Variants in DUOX2 observed in about 807,000 individuals in gnomAD.
DUOX2 encodes the protein NADH/NADPH thyroid oxidase p138-tox.
Under a neutral mutation model 183.3 loss-of-function variants are expected in DUOX2, and 185 were observed. The ratio of observed to expected loss-of-function variants is 1.01; its 90% CI spans 0.90 to 1.14. DUOX2 has a LOEUF of 1.14. Ranked by LOEUF, DUOX2 falls within the 50% of genes most tolerant of loss-of-function variation. The pLI is 0.00. For missense variants in DUOX2, 1,999 were observed against 2,022.9 expected, an observed-to-expected ratio of 0.99 and a Z score of 0.23; for synonymous variants, 788 against 812.4, an observed-to-expected ratio of 0.97 and a Z score of 0.51.
In DUOX2 at chr15:45,104,167, G is replaced by T; in HGVS notation, c.2533C>A (p.Leu845Met). 6.2e-7 allele frequency: 1 copy of T among 1,614,176 alleles called. No homozygotes were observed. The change falls in exon 19 of 34, where the codon CTG becomes ATG. Residue 845 changes from leucine (L) to methionine (M), a missense_variant. Leu to Met is a conservative substitution (Grantham distance 15). Around this residue, in one of 3 missense-constraint regions of DUOX2, gnomAD observed 1,628 missense variants for 1,608.6 expected, o/e 1.01. Transcript: ENST00000389039. The stretch of plus-strand genomic sequence containing the variant: ...TTCATGAAGACCACCAGGATGTCCA[G>T]GAACTCTCGGAAGGACAGGTAGCCA... ...GNGYLSFREFLDILVVFMKGS... is the reference protein window; with the variant it reads ...GNGYLSFREFMDILVVFMKGS...
rs558251387 is a variant in DUOX2 at position 45,097,013 on chromosome 15, C to T, written c.3847+225G>A. ...CACGTTCAGCCACCTCTTCTCAGGTCACTTCTCACCATCTGCAAGTCTCCT... is the reference window on the plus strand; with the variant it reads ...CACGTTCAGCCACCTCTTCTCAGGTTACTTCTCACCATCTGCAAGTCTCCT... On this transcript the variant is annotated intron_variant, in intron 29 of 33. Coordinates refer to ENST00000389039, the MANE Select transcript of DUOX2 (RefSeq NM_001363711.2). Among the ~76,000 whole-genome samples, 3 of 152,340 alleles carry T rather than the reference C, an allele frequency of 2.0e-5. No individual in the cohort carries two copies. The South Asian group carries it at 6.2e-4, about 32-fold the overall frequency.
Position 45,094,552 on chromosome 15 carries a change from G to T in DUOX2, c.4524+11C>A. 1.9e-6 allele frequency: 3 copies of T among 1,611,452 alleles called. No individual in the cohort carries two copies. The highest frequency in any genetic ancestry group is 2.5e-6 in the Non-Finnish European group (3 of 1,178,868). Reference sequence around the variant, plus strand: ...GGCCAGAGTCCCAGGGTGGGAGGGAGTGGGACTGACCTGTGGGTGGACCTC... The same window carrying T: ...GGCCAGAGTCCCAGGGTGGGAGGGATTGGGACTGACCTGTGGGTGGACCTC... On this transcript the variant is annotated intron_variant, in intron 33 of 33. Coordinates refer to ENST00000389039, the MANE Select transcript of DUOX2 (RefSeq NM_001363711.2).
In DUOX2 at chr15:45,108,237, G is replaced by A. The variant is rs772382316; in HGVS notation, c.1399-15C>T. ...GCCTCCAGCACCTGGGGCACCACAGGAGATAAGGGGTGAGCGTATGTTTGC... is the reference window on the plus strand; with the variant it reads ...GCCTCCAGCACCTGGGGCACCACAGAAGATAAGGGGTGAGCGTATGTTTGC... On this transcript the variant is annotated splice_polypyrimidine_tract_variant and intron_variant, in intron 12 of 33. Transcript: ENST00000389039. 3.1e-6 allele frequency: 5 copies of A among 1,613,892 alleles called. No individual in the cohort carries two copies. The South Asian group carries it at 5.5e-5, about 18-fold the overall frequency.
rs749129941 is a variant in DUOX2, at chr15:45,105,780, G to A, written c.2197C>T (p.Leu733=). The change falls in exon 18 of 34, where the codon CTA becomes TTA. Residue 733 remains leucine, a synonymous_variant. Coordinates refer to ENST00000389039, the MANE Select transcript of DUOX2 (RefSeq NM_001363711.2). The part of the protein sequence containing the change: ...EEERGAFVQQ[L]WDFCVRWALG... ...GCCCAGCGCACGCAGAAGTCCCATA[G>A]CTGCTGCACAAAGGCGCCCCGTTCC... The A allele has an allele frequency of 1.9e-6, 3 of 1,614,146 alleles. No individual in the cohort carries two copies. Among genetic ancestry groups the A allele is most frequent in the Admixed American group, 1.7e-5 (1 of 60,008 alleles).
At position 45,095,086 on chromosome 15, in the gene DUOX2, G is replaced by C. The variant is rs1309235832; in HGVS notation, c.4245C>G (p.Tyr1415Ter). 6.2e-7 allele frequency: 1 copy of C among 1,613,734 alleles called. No individual in the cohort carries two copies. The highest frequency in any genetic ancestry group is 8.5e-7 in the Non-Finnish European group (1 of 1,179,944). Residue 1415 changes from tyrosine (Y) to a stop codon, truncating the protein, a stop_gained, in exon 32 of 34, where the codon TAC becomes TAG. Coordinates refer to ENST00000389039, the MANE Select transcript of DUOX2 (RefSeq NM_001363711.2). LOFTEE classifies it high-confidence loss of function. ...LGSQMLCKKI[Y>*]FIWVTRTQRQ... ...GCTGGGTCCGTGTCACCCAGATGAAGTAGATCTGGGGACACAGGGCTGGAG... is the reference window on the plus strand; with the variant it reads ...GCTGGGTCCGTGTCACCCAGATGAACTAGATCTGGGGACACAGGGCTGGAG...
intron 24 of DUOX2, 67 bp downstream of exon 24, chr15:45,099,983 G>T: frequency 1.2e-6 from 2 of 1,611,080 alleles, no homozygotes; most frequent in Non-Finnish European, 1.7e-6. Context: ...GGATCAGAGG[G>T]CTTTCCACTC....
At chr15:45,108,646 G>T in intron 12 of DUOX2, 143 bp downstream of exon 12, 1 of 947,778 alleles carries the variant, frequency 1.1e-6, no homozygotes, top group Non-Finnish European at 1.6e-6. Context: ...TACCAACTAT[G>T]TCATCAGTAA....
At chr15:45,095,715 C>A in intron 30 of DUOX2, 113 bp downstream of exon 30, 1 of 1,550,066 alleles carries the variant, frequency 6.5e-7, no homozygotes, top group South Asian at 1.1e-5. Context: ...GCACCCCGGT[C>A]CTCTCCCAGG....
chr15:45,106,836 G>C lies in DUOX2; in HGVS notation c.1827C>G (p.Pro609=), dbSNP rs1894229930. The change falls in exon 15 of 34, where the codon CCC becomes CCG. Residue 609 remains proline (P), a synonymous_variant. Transcript: ENST00000389039. ...AGAGGCTGCCTAAGAGCTCACCTAA[G>C]GGAAGGCAGCAGAGAGCAATGATGG... ...AITIIALCCL[P]LVSLLLSGVV... 4.4e-6 allele frequency: 7 copies of C among 1,596,086 alleles called. No homozygotes were observed. The highest frequency in any genetic ancestry group is 3.6e-5 in the Admixed American group (2 of 55,616).
chr15:45,106,142 G>A lies in DUOX2; in HGVS notation c.2131C>T (p.Pro711Ser). 1 of 1,614,192 alleles carries A rather than the reference G, an allele frequency of 6.2e-7. No homozygotes were observed. The highest frequency in any genetic ancestry group is 8.5e-7 in the Non-Finnish European group (1 of 1,180,038). ...AGCCATACCAGGTCATACTCCTTAG[G>A]GATCTTGAGCAGCAGGGTGCGGCAT... is the stretch of plus-strand genomic sequence containing the variant. ...RGCRTLLLKIPKEYDLVLLFS... is the reference protein window; with the variant it reads ...RGCRTLLLKISKEYDLVLLFS... The change falls in exon 17 of 34, where the codon CCT (proline) becomes TCT (serine). Residue 711 changes from proline to serine, a missense_variant. By Grantham distance (74) the Pro-to-Ser change is moderately conservative. Coordinates refer to ENST00000389039, the MANE Select transcript of DUOX2 (RefSeq NM_001363711.2).
chr15:45,114,073 G>T lies in DUOX2; in HGVS notation c.-115C>A. ...CCTTCACCCTCACTCTTCCAGCTCC[G>T]CCGATCCTCAGCCTCCCCGGCTGCA... On this transcript the variant is annotated 5_prime_UTR_variant, in exon 1 of 34. Coordinates refer to ENST00000389039, the MANE Select transcript of DUOX2 (RefSeq NM_001363711.2). The T allele has an allele frequency of 5.0e-6, 1 of 201,744 alleles. No homozygotes were observed. 12.5% of individuals were successfully genotyped at this position (201,744 alleles called of 1,614,324 possible).
At position 45,097,249 on chromosome 15, in the gene DUOX2, A is replaced by C. The variant is rs1305216228; in HGVS notation, c.3836T>G (p.Leu1279Arg). ...KVEISVVKAE[L>R]LPSGVTYLQF... Reference sequence around the variant, plus strand: ...GCTGGGCCTGATACCTGAGGGCAGCAGCTCCGCCTTCACCACGCTGATCTC... The same window carrying C: ...GCTGGGCCTGATACCTGAGGGCAGCCGCTCCGCCTTCACCACGCTGATCTC... The change falls in exon 29 of 34, where the codon CTG becomes CGG. Residue 1279 changes from leucine (L) to arginine (R), a missense_variant. Physicochemically the swap from Leu to Arg is moderately radical, Grantham distance 102. Coordinates refer to ENST00000389039, the MANE Select transcript of DUOX2 (RefSeq NM_001363711.2). The C allele has an allele frequency of 6.2e-7, 1 of 1,614,224 alleles. No homozygotes were observed. Among genetic ancestry groups the C allele is most frequent in the Admixed American group, 1.7e-5 (1 of 60,034 alleles).
rs1470209413 is a variant in DUOX2, at chr15:45,100,804, C to T, written c.2956G>A (p.Glu986Lys). ...CCAGGGCCTCCCAGCTCTGGGGCTT[C>T]TGGGGCAGGGGGCCCCAGTCCCTGG... ...HPQGLGPPAP[E>K]APELGGPGLK... The change falls in exon 23 of 34, where the codon GAA (glutamate) becomes AAA (lysine). Residue 986 changes from glutamate to lysine, a missense_variant. This residue lies in a region of DUOX2 where 1,628 missense variants were observed against 1,608.6 expected (regional missense o/e 1.01). Transcript: ENST00000389039. The T allele has an allele frequency of 2.0e-5, 33 of 1,613,980 alleles. No homozygotes were observed. Among genetic ancestry groups the T allele is most frequent in the Non-Finnish European group, 2.8e-5 (33 of 1,179,982 alleles).
At position 45,100,173 on chromosome 15, in the gene DUOX2, G is replaced by A. The variant is rs147452041; in HGVS notation, c.3061C>T (p.Arg1021Ter). 24 of 1,614,108 alleles carry A rather than the reference G, an allele frequency of 1.5e-5. No homozygotes were observed. The highest frequency in any genetic ancestry group is 4.0e-5 in the African/African-American group (3 of 75,028). The change falls in exon 24 of 34, where the codon CGA becomes TGA. Residue 1021 changes from arginine to a stop codon, truncating the protein, a stop_gained. Transcript: ENST00000389039. LOFTEE classifies it high-confidence loss of function. Reference protein sequence around the residue: ...YTEALQEKMQRGFLAQKLQQY... With the variant: ...YTEALQEKMQ The stretch of plus-strand genomic sequence containing the variant: ...TGCAGCTTTTGGGCTAGGAAGCCTC[G>A]CTGCATCTTCTCTTGCAGCGCCTCT...
At chr15:45,096,431 G>A (rs1294670308) in intron 29 of DUOX2, among the ~76,000 whole-genome samples, 1 of 152,094 alleles carries the variant, frequency 6.6e-6, no homozygotes, top group Non-Finnish European at 1.5e-5. Context: ...CACACCTCCT[G>A]CACTATCATT....
chr15:45,113,599 T>C (rs1242953128), intron 1 of DUOX2, 174 bp from the exon 2 acceptor site: 2 of 632,518 alleles, frequency 3.2e-6, no homozygotes, highest in Admixed American at 2.3e-5. Context: ...AACGCCACTC[T>C]TTCCAGGACA....
intron 29 of DUOX2, among the ~76,000 whole-genome samples, chr15:45,096,402 T>A (rs1595519409): frequency 6.6e-6 from 1 of 152,208 alleles, no homozygotes; most frequent in South Asian, 2.1e-4. Context: ...CAGACCTCCA[T>A]TTGAGGGTTA....
At chr15:45,105,860 G>A (rs1372833040) in intron 17 of DUOX2, 32 bp from the exon 18 acceptor site, 6 of 1,612,926 alleles carry the variant, frequency 3.7e-6, no homozygotes, top group South Asian at 1.1e-5. Context: ...CTGACGCAGG[G>A]AGCTCGCTGG....
chr15:45,094,787 G>A, intron 32 of DUOX2, 96 bp from the exon 33 acceptor site: 2 of 1,594,842 alleles, frequency 1.3e-6, no homozygotes, highest in Non-Finnish European at 1.7e-6. Flanking sequence ...ATGGGGAGGG[G>A]AGGGAGCTGG....
Sources: gnomAD v4.1 joint callset for allele counts (sites outside exome capture counted in the v4.1 genomes callset) on GRCh38, gnomAD v4.1.1 for gene constraint, gnomAD v4.1.1 regional missense constraint, MANE v1.5 for transcripts, NCBI Gene and HGNC (gene_info 2026-07-23, HGNC 2026-07-21) for gene names.